The following FOXN3 variants were observed in gnomAD, a reference collection of about 807,000 sequenced individuals.
FOXN3 encodes the protein forkhead box N3.
Under a neutral mutation model 38.4 loss-of-function variants are expected in FOXN3, and 7 were observed. The ratio of observed to expected loss-of-function variants is 0.18; its 90% CI spans 0.10 to 0.34. The LOEUF is 0.34. Ranked by LOEUF, FOXN3 falls within the 10% of genes least tolerant of loss-of-function variation. The pLI, the probability that FOXN3 is intolerant of heterozygous loss-of-function variation, is 1.00. For synonymous variants in FOXN3, 230 were observed against 242.2 expected, an observed-to-expected ratio of 0.95 and a Z score of 0.47; for missense variants, 456 against 613.4, an observed-to-expected ratio of 0.74 and a Z score of 2.71.
At chr14:89,445,082 A>T (rs926409249) in intron 1 of FOXN3, among the ~76,000 whole-genome samples, 6 of 151,942 alleles carry the variant, frequency 3.9e-5, no homozygotes, top group African/African-American at 1.5e-4. Context: ...TGATTGAGCC[A>T]CTGCACTCCT....
intron 1 of FOXN3, among the ~76,000 whole-genome samples, chr14:89,444,951 T>C (rs1404032353): frequency 4.0e-5 from 6 of 151,270 alleles, no homozygotes; most frequent in African/African-American, 1.5e-4. Flanking sequence ...CAAGACCCCA[T>C]CTCTACAAAA....
At chr14:89,518,071 C>G (rs552444513) in intron 1 of FOXN3, among the ~76,000 whole-genome samples, 1 of 152,308 alleles carries the variant, frequency 6.6e-6, no homozygotes, top group East Asian at 1.9e-4. Context: ...CAAGACAGAG[C>G]CTTGTGGTTA....
chr14:89,569,010 C>T (rs1479564168), intron 1 of FOXN3, among the ~76,000 whole-genome samples: 1 of 152,168 alleles, frequency 6.6e-6, no homozygotes, highest in Non-Finnish European at 1.5e-5. Context: ...CGAGACCAAC[C>T]CGGCTAACAC....
chr14:89,410,866 C>G (rs1027050891), intron 2 of FOXN3, among the ~76,000 whole-genome samples: 16 of 150,108 alleles, frequency 1.1e-4, no homozygotes, highest in African/African-American at 4.0e-4. Flanking sequence ...GAGCAAGACC[C>G]TGGTCCCAAA....
intron 4 of FOXN3, among the ~76,000 whole-genome samples, chr14:89,212,552 A>AT (rs1285025913): frequency 1.3e-5 from 2 of 152,296 alleles, no homozygotes; most frequent in Admixed American, 1.3e-4. Context: ...GCTCTGGGTC[A>AT]CAGCCATGAG....
chr14:89,436,104 A>C (rs1892270844), intron 1 of FOXN3, among the ~76,000 whole-genome samples: 1 of 151,482 alleles, frequency 6.6e-6, no homozygotes, highest in African/African-American at 2.4e-5. Context: ...GCCTCCCAAA[A>C]TGCTGAGATC....
intron 3 of FOXN3, among the ~76,000 whole-genome samples, chr14:89,307,139 T>C (rs1018294888): frequency 3.9e-5 from 6 of 152,222 alleles, no homozygotes; most frequent in Admixed American, 6.5e-5. Flanking sequence ...TGAGTGTGTG[T>C]GTTACTCAGT....
intron 4 of FOXN3, among the ~76,000 whole-genome samples, chr14:89,209,980 T>C (rs1228076609): frequency 1.3e-5 from 2 of 152,362 alleles, no homozygotes; most frequent in South Asian, 2.1e-4. Context: ...TATTGGAACA[T>C]TTCATGTACT....
intron 1 of FOXN3, chr14:89,576,978 C>T (rs1397067659): frequency 6.6e-6 from 1 of 152,186 alleles, no homozygotes; most frequent in African/African-American, 2.4e-5. Flanking sequence ...CAGAGAAAAT[C>T]GCTCTAATCA....
chr14:89,542,637 G>A (rs1894813750), intron 1 of FOXN3, among the ~76,000 whole-genome samples: 1 of 152,212 alleles, frequency 6.6e-6, no homozygotes, highest in Non-Finnish European at 1.5e-5. Flanking sequence ...GGGCTGATGA[G>A]ATGGCTTGGA....
chr14:89,500,718 G>A (rs150774239), intron 1 of FOXN3, among the ~76,000 whole-genome samples: 1 of 152,320 alleles, frequency 6.6e-6, no homozygotes, highest in East Asian at 1.9e-4. Flanking sequence ...CTGGTACCCT[G>A]ACCTGGCCCT....
At chr14:89,335,077 T>TCACACA (rs72014136) in intron 3 of FOXN3, among the ~76,000 whole-genome samples, 2,501 of 139,342 alleles carry the variant, frequency 0.018, 32 homozygotes, top group Middle Eastern at 0.025. Context: ...TATTTTCATA[T>TCACACA]CACACACACA....
chr14:89,171,829 C>T (rs915222333), intron 5 of FOXN3, among the ~76,000 whole-genome samples: 1 of 151,960 alleles, frequency 6.6e-6, no homozygotes, highest in Non-Finnish European at 1.5e-5. Context: ...TATGAAATAA[C>T]ACAAAGATGC....
At chr14:89,307,458 T>C (rs997334870) in intron 3 of FOXN3, among the ~76,000 whole-genome samples, 3 of 152,140 alleles carry the variant, frequency 2.0e-5, no homozygotes, top group Non-Finnish European at 4.4e-5. Flanking sequence ...ATCAATTATA[T>C]ATATGTGTGT....
chr14:89,179,210 T>A (rs1199169190), intron 5 of FOXN3, among the ~76,000 whole-genome samples: 1 of 152,236 alleles, frequency 6.6e-6, no homozygotes, highest in African/African-American at 2.4e-5. Context: ...GTAGAAATGA[T>A]AAGTGGTTTT....
At chr14:89,290,996 G>C in intron 3 of FOXN3, 1 of 433,180 alleles carries the variant, frequency 2.3e-6, no homozygotes, top group South Asian at 1.8e-5. Context: ...TGCTCCACGT[G>C]AGGCCCGTGG....
chr14:89,606,648 G>C (rs1294086415), intron 1 of FOXN3, among the ~76,000 whole-genome samples: 1 of 152,128 alleles, frequency 6.6e-6, no homozygotes, highest in South Asian at 2.1e-4. Flanking sequence ...TCAGGAGTTC[G>C]AGACCAGCTT....
At chr14:89,176,868 C>G (rs1047708706) in intron 5 of FOXN3, among the ~76,000 whole-genome samples, 2 of 152,176 alleles carry the variant, frequency 1.3e-5, no homozygotes, top group Non-Finnish European at 2.9e-5. Context: ...AGCAAGTACC[C>G]CTAATGTTCC....
intron 1 of FOXN3, among the ~76,000 whole-genome samples, chr14:89,428,645 G>A (rs962073649): frequency 6.6e-6 from 1 of 152,218 alleles, no homozygotes; most frequent in African/African-American, 2.4e-5. Context: ...CTCACACAGC[G>A]CCAGGCCAGC....
Sources: allele counts gnomAD v4.1 joint callset (sites outside exome capture counted in the v4.1 genomes callset), GRCh38; gene constraint gnomAD v4.1.1; transcripts MANE v1.5; gene names NCBI Gene and HGNC (gene_info 2026-07-23, HGNC 2026-07-21).